OSBPL8: variants seen among roughly 807,000 people sequenced by gnomAD.
The protein encoded by OSBPL8 is oxysterol binding protein like 8.
In OSBPL8, 59 loss-of-function variants were observed where a neutral mutation model predicts 125.5. The observed-to-expected ratio is 0.47, with a 90% CI of 0.38 to 0.58. The LOEUF (loss-of-function observed/expected upper bound fraction) is 0.58, where lower values mean the gene tolerates loss of function less well. Ranked by LOEUF, OSBPL8 falls within the 20% of genes least tolerant of loss-of-function variation. The probability of loss-of-function intolerance (pLI) is 0.00; values close to 1 mark genes in which losing one functional copy is unlikely to be tolerated. For missense variants in OSBPL8, 758 were observed against 1,047.8 expected (o/e 0.72, Z 3.82); for synonymous variants, 330 against 338.9 (o/e 0.97, Z 0.29).
At chr12:76,537,102 G>C (rs1017480351) in intron 1 of OSBPL8, 8 of 152,318 alleles carry the variant, frequency 5.3e-5, no homozygotes, top group Non-Finnish European at 1.2e-4. Context: ...GCAACATATG[G>C]ACTTGCTGTG....
chr12:76,397,053 G>C (rs950676146), intron 8 of OSBPL8, among the ~76,000 whole-genome samples: 3 of 151,894 alleles, frequency 2.0e-5, no homozygotes, highest in Admixed American at 1.3e-4. Context: ...GAGCTCAAGC[G>C]ATCCAACTGC....
chr12:76,412,922 C>G lies in OSBPL8; in HGVS notation c.218-2288G>C, dbSNP rs148530017. Among the ~76,000 whole-genome samples, 12 of 152,266 alleles carry G rather than the reference C, an allele frequency of 7.9e-5. No individual in the cohort carries two copies. In the East Asian group the frequency reaches 1.7e-3, roughly 22 times the overall value. On this transcript the variant is annotated intron_variant, in intron 4 of 23. Transcript: ENST00000261183. ...GACTTTGCAGGCATAGTTAGCTGTT[C>G]CTTTCTATGACACAAACAGCACTTC...
intron 4 of OSBPL8, among the ~76,000 whole-genome samples, chr12:76,431,402 A>G (rs1870807143): frequency 6.6e-6 from 1 of 152,168 alleles, no homozygotes; most frequent in South Asian, 2.1e-4. Context: ...TATGGCAAGA[A>G]TAAGTTCTTA....
intron 1 of OSBPL8, among the ~76,000 whole-genome samples, chr12:76,512,018 A>C (rs1477218145): frequency 6.6e-6 from 1 of 152,192 alleles, no homozygotes; most frequent in African/African-American, 2.4e-5. Flanking sequence ...AAGGTTTGTT[A>C]CATAGATAAA....
At chr12:76,477,788 A>T (rs1876988253) in intron 2 of OSBPL8, among the ~76,000 whole-genome samples, 1 of 152,170 alleles carries the variant, frequency 6.6e-6, no homozygotes, top group African/African-American at 2.4e-5. Context: ...GGGGTACAAC[A>T]TATATGGGAA....
At chr12:76,420,038 C>T (rs888573350) in intron 4 of OSBPL8, among the ~76,000 whole-genome samples, 2 of 152,036 alleles carry the variant, frequency 1.3e-5, no homozygotes, top group African/African-American at 4.8e-5. Context: ...CCACAAAATG[C>T]AAGTACTATC....
intron 4 of OSBPL8, among the ~76,000 whole-genome samples, chr12:76,414,012 T>C (rs1281912309): frequency 3.9e-5 from 6 of 152,218 alleles, no homozygotes; most frequent in South Asian, 2.1e-4. Context: ...TCTGCAGTCA[T>C]AAAAATATTT....
chr12:76,397,628 T>C (rs959745048), intron 8 of OSBPL8, 66 bp downstream of exon 8: 131 of 1,437,336 alleles, frequency 9.1e-5, no homozygotes, highest in Non-Finnish European at 1.2e-4. Context: ...ATTTGATTGA[T>C]GTATCTCAGT....
chr12:76,410,722 TA>T, intron 4 of OSBPL8, 88 bp from the exon 5 acceptor site: 1 of 884,842 alleles, frequency 1.1e-6, no homozygotes. Flanking sequence ...ATATTTGATA[TA>T]AATCAGTGCA....
chr12:76,412,080 G>A (rs897156227), intron 4 of OSBPL8, among the ~76,000 whole-genome samples: 2 of 152,118 alleles, frequency 1.3e-5, no homozygotes, highest in Non-Finnish European at 2.9e-5. Context: ...GTTCATAGAA[G>A]CTTTATTCAT....
rs1400462114 is a variant in OSBPL8, at chr12:76,399,881, A to T, written c.460T>A (p.Trp154Arg). The change falls in exon 7 of 24, where the codon TGG becomes AGG. Residue 154 changes from tryptophan (W) to arginine (R), a missense_variant. Around this residue, in one of 3 missense-constraint regions of OSBPL8, gnomAD observed 69 missense variants for 148.7 expected, o/e 0.46. Transcript: ENST00000261183. ...TDPSVIVMAD[W>R]LKIRGTLKSW... Reference sequence around the variant, plus strand: ...ATTCAAAACACACTGACCTTTAACCAATCAGCCATAACAATAACAGAAGGA... The same window carrying T: ...ATTCAAAACACACTGACCTTTAACCTATCAGCCATAACAATAACAGAAGGA... 1 of 1,595,864 alleles carries T rather than the reference A, an allele frequency of 6.3e-7. No homozygotes were observed. The highest frequency in any genetic ancestry group is 1.2e-5 in the South Asian group (1 of 86,180).
intron 1 of OSBPL8, among the ~76,000 whole-genome samples, chr12:76,536,538 A>G (rs1448943223): frequency 2.0e-5 from 3 of 152,206 alleles, no homozygotes; most frequent in Admixed American, 1.3e-4. Context: ...AACACAATTC[A>G]TATTAGTTGA....
At chr12:76,505,242 G>C (rs765987838) in intron 1 of OSBPL8, among the ~76,000 whole-genome samples, 6 of 152,158 alleles carry the variant, frequency 3.9e-5, no homozygotes, top group Non-Finnish European at 5.9e-5. Context: ...AGCTTTGACA[G>C]ACATGAGGCT....
intron 1 of OSBPL8, among the ~76,000 whole-genome samples, chr12:76,554,627 T>C (rs567655548): frequency 3.9e-5 from 6 of 152,228 alleles, no homozygotes; most frequent in Admixed American, 2.0e-4. Flanking sequence ...ACTTCTAGAG[T>C]AGTACAGTAC....
At chr12:76,481,096 T>A (rs528723746) in intron 2 of OSBPL8, among the ~76,000 whole-genome samples, 1 of 152,306 alleles carries the variant, frequency 6.6e-6, no homozygotes, top group Non-Finnish European at 1.5e-5. Context: ...ATTCTCTAGA[T>A]ACTGATAAAA....
At chr12:76,517,717 C>G (rs1032363250) in intron 1 of OSBPL8, among the ~76,000 whole-genome samples, 1 of 152,152 alleles carries the variant, frequency 6.6e-6, no homozygotes, top group Non-Finnish European at 1.5e-5. Context: ...GGCATCTGCT[C>G]AGCTTCTGAT....
chr12:76,558,872 G>A (rs1325955699), intron 1 of OSBPL8, among the ~76,000 whole-genome samples: 1 of 152,200 alleles, frequency 6.6e-6, no homozygotes, highest in African/African-American at 2.4e-5. Context: ...CAAAGGCTTG[G>A]CTTTCCTCCT....
chr12:76,425,246 T>C (rs35245743), intron 4 of OSBPL8, among the ~76,000 whole-genome samples: 31,541 of 152,152 alleles, frequency 0.21, 3,517 homozygotes, highest in Non-Finnish European at 0.27. Context: ...AATTTTATTT[T>C]CTATGTACCA....
chr12:76,437,424 T>C (rs1408015767), intron 4 of OSBPL8, among the ~76,000 whole-genome samples: 3 of 152,242 alleles, frequency 2.0e-5, no homozygotes, highest in Admixed American at 6.5e-5. Flanking sequence ...TTCACATTTA[T>C]TGGCCATCCG....
Sources: gnomAD v4.1 joint callset for allele counts (sites outside exome capture counted in the v4.1 genomes callset) on GRCh38, gnomAD v4.1.1 for gene constraint, gnomAD v4.1.1 regional missense constraint, MANE v1.5 for transcripts, NCBI Gene and HGNC (gene_info 2026-07-23, HGNC 2026-07-21) for gene names.